Variants in HHAT observed in about 807,000 individuals in gnomAD.
The protein encoded by HHAT is hedgehog acyltransferase.
A neutral mutation model predicts 70.8 loss-of-function variants in HHAT; 47 were observed. That is an observed-to-expected ratio of 0.66 (90% CI 0.53 to 0.85). The LOEUF is 0.85. Ranked by LOEUF, HHAT falls within the 40% of genes least tolerant of loss-of-function variation. The probability of loss-of-function intolerance (pLI) is 0.00; values close to 1 mark genes in which losing one functional copy is unlikely to be tolerated. For missense variants in HHAT, 609 were observed against 604.8 expected, an observed-to-expected ratio of 1.01 and a Z score of -0.07; for synonymous variants, 228 against 247.6, an observed-to-expected ratio of 0.92 and a Z score of 0.74.
chr1:210,470,638 G>C (rs1475323176), intron 8 of HHAT, among the ~76,000 whole-genome samples: 1 of 152,096 alleles, frequency 6.6e-6, no homozygotes, highest in African/African-American at 2.4e-5. Flanking sequence ...TTTTCTCCCT[G>C]TGTGGAAGAT....
chr1:210,636,761 C>A (rs1671939031), intron 11 of HHAT, among the ~76,000 whole-genome samples: 1 of 151,898 alleles, frequency 6.6e-6, no homozygotes, highest in Non-Finnish European at 1.5e-5. Context: ...AGTCAAACAT[C>A]CCAATTGAAA....
chr1:210,504,886 G>A (rs1282690342), intron 8 of HHAT, among the ~76,000 whole-genome samples: 1 of 150,568 alleles, frequency 6.6e-6, no homozygotes, highest in Non-Finnish European at 1.5e-5. Context: ...CTATGTTCCC[G>A]GCGTAGCTTT....
At chr1:210,494,576 G>A (rs1208569456) in intron 8 of HHAT, among the ~76,000 whole-genome samples, 1 of 64,216 alleles carries the variant, frequency 1.6e-5, no homozygotes, top group African/African-American at 5.6e-5. Flanking sequence ...TTTTGAGACA[G>A]AGTTTGCTCT....
At chr1:210,618,521 C>T (rs774264592) in intron 10 of HHAT, among the ~76,000 whole-genome samples, 2 of 152,184 alleles carry the variant, frequency 1.3e-5, no homozygotes, top group African/African-American at 2.4e-5. Flanking sequence ...TAAGCAGCAT[C>T]AGGTCCCACT....
intron 9 of HHAT, among the ~76,000 whole-genome samples, chr1:210,576,789 T>A (rs1040052357): frequency 1.3e-5 from 2 of 152,214 alleles, no homozygotes; most frequent in Non-Finnish European, 2.9e-5. Context: ...TGTTAAAATC[T>A]CCAAAGCACT....
At position 210,340,939 on chromosome 1, in the gene HHAT, C is replaced by T. The variant is rs372885955; in HGVS notation, c.-43-7994C>T. ...TGCTTACCAGCTGTGTGATTTGGGGCGGGTTTACTTATCCTTTCTGGGCCT... is the reference window on the plus strand; with the variant it reads ...TGCTTACCAGCTGTGTGATTTGGGGTGGGTTTACTTATCCTTTCTGGGCCT... On this transcript the variant is annotated intron_variant, in intron 1 of 11. Transcript: ENST00000261458. Among the ~76,000 whole-genome samples the T allele has an allele frequency of 3.5e-4, 54 of 152,190 alleles. 2 individuals carry two copies. The South Asian group carries it at 0.01, about 29-fold the overall frequency.
At chr1:210,446,971 A>G (rs2093647531) in intron 7 of HHAT, among the ~76,000 whole-genome samples, 1 of 152,340 alleles carries the variant, frequency 6.6e-6, no homozygotes, top group Admixed American at 6.5e-5. Flanking sequence ...TGCCTAAAAC[A>G]ATAGATAGCT....
intron 3 of HHAT, among the ~76,000 whole-genome samples, chr1:210,372,774 G>A (rs1378775568): frequency 7.9e-6 from 1 of 126,466 alleles, no homozygotes; most frequent in Non-Finnish European, 1.6e-5. Context: ...TGGGCTCAAG[G>A]GAGGTGTTTT....
intron 9 of HHAT, among the ~76,000 whole-genome samples, chr1:210,534,863 C>T (rs1021806343): frequency 1.3e-5 from 2 of 152,214 alleles, no homozygotes; most frequent in African/African-American, 4.8e-5. Context: ...TTACCCATCA[C>T]ATTAGTGCTA....
intron 9 of HHAT, among the ~76,000 whole-genome samples, chr1:210,537,916 G>C (rs1258110221): frequency 1.3e-5 from 2 of 152,154 alleles, no homozygotes; most frequent in African/African-American, 4.8e-5. Flanking sequence ...TAATTTTATA[G>C]AGAATTTTAT....
At chr1:210,637,871 A>AAGGGGG (rs1553312396) in intron 11 of HHAT, among the ~76,000 whole-genome samples, 1 of 117,500 alleles carries the variant, frequency 8.5e-6, no homozygotes, top group African/African-American at 3.2e-5. Context: ...AAAAAAAAAA[A>AAGGGGG]GGGGGGGGCA....
intron 11 of HHAT, among the ~76,000 whole-genome samples, chr1:210,669,154 T>C (rs1679570118): frequency 6.6e-6 from 1 of 152,200 alleles, no homozygotes; most frequent in Admixed American, 6.5e-5. Context: ...AAACATACCC[T>C]TTGACTTCAC....
intron 8 of HHAT, among the ~76,000 whole-genome samples, chr1:210,500,437 C>G (rs1322508514): frequency 1.3e-5 from 2 of 152,196 alleles, no homozygotes. Flanking sequence ...AATTACCCAG[C>G]TCCCAGAAGT....
intron 9 of HHAT, among the ~76,000 whole-genome samples, chr1:210,541,407 A>G (rs1303755648): frequency 6.6e-6 from 1 of 152,168 alleles, no homozygotes; most frequent in Non-Finnish European, 1.5e-5. Context: ...AAAGTCTCAC[A>G]GGCAGACATA....
At chr1:210,411,791 T>C (rs1558464355) in intron 6 of HHAT, among the ~76,000 whole-genome samples, 1 of 151,892 alleles carries the variant, frequency 6.6e-6, no homozygotes, top group Non-Finnish European at 1.5e-5. Flanking sequence ...TCCATTGGTC[T>C]AGAGTGATTT....
At chr1:210,560,669 G>A (rs575651703) in intron 9 of HHAT, among the ~76,000 whole-genome samples, 7 of 151,028 alleles carry the variant, frequency 4.6e-5, no homozygotes, top group African/African-American at 1.7e-4. Context: ...AAAAAGCCAG[G>A]TGTGATGGCA....
intron 9 of HHAT, among the ~76,000 whole-genome samples, chr1:210,543,283 G>A (rs1050351301): frequency 1.3e-5 from 2 of 152,050 alleles, no homozygotes; most frequent in African/African-American, 4.8e-5. Flanking sequence ...GGTTTGGCAT[G>A]CTTTCTCTGA....
chr1:210,660,125 G>A (rs1213890140), intron 11 of HHAT, among the ~76,000 whole-genome samples: 2 of 152,192 alleles, frequency 1.3e-5, no homozygotes, highest in East Asian at 1.9e-4. Context: ...AAGTCAAATT[G>A]TCCCTGTTTG....
intron 10 of HHAT, among the ~76,000 whole-genome samples, chr1:210,622,995 T>C (rs549873128): frequency 6.6e-6 from 1 of 152,214 alleles, no homozygotes; most frequent in Non-Finnish European, 1.5e-5. Flanking sequence ...AGCCCTCGCA[T>C]TTTGTTCCAC....
Sources: allele counts gnomAD v4.1 joint callset (sites outside exome capture counted in the v4.1 genomes callset), GRCh38; gene constraint gnomAD v4.1.1; transcripts MANE v1.5; gene names NCBI Gene and HGNC (gene_info 2026-07-23, HGNC 2026-07-21).